ACTN3: variants seen among roughly 807,000 people sequenced by gnomAD.
ACTN3 encodes alpha-actinin-3.
ACTN3 carries 91 observed loss-of-function variants against 119.6 expected under a neutral mutation model. The ratio of observed to expected loss-of-function variants is 0.76; its 90% confidence interval spans 0.64 to 0.91. The LOEUF (loss-of-function observed/expected upper bound fraction) is 0.91, where lower values mean the gene tolerates loss of function less well. Among genes scored for constraint, ACTN3 ranks in the 40% least tolerant of loss-of-function variants. ACTN3 has a pLI of 0.00. For missense variants in ACTN3, 1,221 were observed against 1,215.1 expected, an observed-to-expected ratio of 1.00 and a Z score of -0.07; for synonymous variants, 456 against 478.8, an observed-to-expected ratio of 0.95 and a Z score of 0.62.
chr11:66,551,780 A>G, intron 3 of ACTN3, 133 bp downstream of exon 3: 1 of 1,392,492 alleles, frequency 7.2e-7, no homozygotes, highest in Non-Finnish European at 9.7e-7. Context: ...GAGCCTGTAA[A>G]GAGCCAGTAT....
intron 8 of ACTN3, among the ~76,000 whole-genome samples, chr11:66,556,918 G>A (rs1364435201): frequency 2.0e-5 from 3 of 152,024 alleles, no homozygotes; most frequent in Non-Finnish European, 4.4e-5. Flanking sequence ...CCACCACCAC[G>A]CCCGGCCAAT....
chr11:66,555,294 C>T lies in ACTN3; in HGVS notation c.645C>T (p.Pro215=), dbSNP rs542052569. 52 of 1,614,054 alleles carry T rather than the reference C, an allele frequency of 3.2e-5. No homozygotes were observed. In the South Asian group the frequency reaches 5.5e-4, roughly 17 times the overall value. ...IDYAKLRKDD[P]IGNLNTAFEV... ...CCCTTACACCCTTCTAGGATGACCC[C>T]ATCGGAAACCTGAACACTGCCTTTG... The change falls in exon 7 of 21, where the codon CCC becomes CCT. Residue 215 remains proline, a synonymous_variant. Transcript: ENST00000513398.
In ACTN3 at chr11:66,562,111, G is replaced by C; in HGVS notation, c.2265G>C (p.Lys755Asn). ...ACCAGGTACTGACCCGAGACGCCAA[G>C]GGACTGAGCCAGGAGCAGCTCAACG... The part of the protein sequence containing the change: ...VENQVLTRDA[K>N]GLSQEQLNEF... Residue 755 changes from lysine (K) to asparagine (N), a missense_variant, in exon 18 of 21, where the codon AAG (lysine) becomes AAC (asparagine). Lys to Asn is a moderately conservative substitution (Grantham distance 94). Around this residue, in one of 3 missense-constraint regions of ACTN3, gnomAD observed 934 missense variants for 899.9 expected, o/e 1.04. Coordinates refer to ENST00000513398, the MANE Select transcript of ACTN3 (RefSeq NM_001104.4). The C allele has an allele frequency of 6.2e-7, 1 of 1,614,074 alleles. No homozygotes were observed. Among genetic ancestry groups the C allele is most frequent in the Non-Finnish European group, 8.5e-7 (1 of 1,179,986 alleles).
chr11:66,556,183 A>G lies in ACTN3; in HGVS notation c.757A>G (p.Met253Val), dbSNP rs758373311. 21 of 1,613,930 alleles carry G rather than the reference A, an allele frequency of 1.3e-5. No individual in the cohort carries two copies. The South Asian group carries it at 2.3e-4, about 18-fold the overall frequency. ...NTPKPDEKAI[M>V]TYVSCFYHAF... is the part of the protein sequence containing the mutation. Reference sequence around the variant, plus strand: ...CCCAAAGCCGGATGAGAAGGCCATCATGACCTATGTGTCCTGCTTCTACCA... The same window carrying G: ...CCCAAAGCCGGATGAGAAGGCCATCGTGACCTATGTGTCCTGCTTCTACCA... Residue 253 changes from methionine to valine, a missense_variant, in exon 8 of 21, where the codon ATG becomes GTG. Physicochemically the swap from Met to Val is conservative, Grantham distance 21. This residue lies in a region of ACTN3 where 934 missense variants were observed against 899.9 expected (regional missense o/e 1.04). Transcript: ENST00000513398.
At chr11:66,554,714 T>A in intron 5 of ACTN3, 91 bp downstream of exon 5, 22 of 1,074,208 alleles carry the variant, frequency 2.0e-5, no homozygotes, top group Non-Finnish European at 2.7e-5. Context: ...GGCACTGAGC[T>A]GGTCTCTGTC....
At position 66,561,517 on chromosome 11, in the gene ACTN3, A is replaced by G; in HGVS notation, c.2055A>G (p.Leu685=). 1 of 1,607,346 alleles carries G rather than the reference A, an allele frequency of 6.2e-7. No homozygotes were observed. Among genetic ancestry groups the G allele is most frequent in the Non-Finnish European group, 8.5e-7 (1 of 1,176,980 alleles). ...CTCTGGAGGAGCAGATGGCTGGGCT[A>G]CGGCAGCAGGAGCAGAACATTATCA... ...AGSLEEQMAG[L]RQQEQNIINY... is the part of the protein sequence containing the mutation. The change falls in exon 17 of 21, where the codon CTA becomes CTG. Residue 685 remains leucine (L), a synonymous_variant. Transcript: ENST00000513398.
At position 66,546,913 on chromosome 11, in the gene ACTN3, G is replaced by C. The variant is rs1336820376; in HGVS notation, c.-25G>C. The C allele has an allele frequency of 1.3e-6, 2 of 1,531,768 alleles. No homozygotes were observed. Among genetic ancestry groups the C allele is most frequent in the African/African-American group, 1.4e-5 (1 of 72,430 alleles). The allele number at this position is 1,531,768 out of a possible 1,614,324, so 94.9% of individuals were successfully genotyped here. On this transcript the variant is annotated 5_prime_UTR_variant, in exon 1 of 21. Transcript: ENST00000513398. ...CGGGTGTCCGAGAGCGTGCCGAGCG[G>C]AGCGAAGCCAGGAGCCCGATCGAGA...
chr11:66,562,458 T>C (rs1268194347), intron 19 of ACTN3, 136 bp downstream of exon 19: 1 of 1,097,878 alleles, frequency 9.1e-7, no homozygotes, highest in Non-Finnish European at 1.3e-6. Flanking sequence ...CTAGCAAGGC[T>C]CAGGGAGGTA....
At chr11:66,553,927 C>T (rs1857531316) in intron 3 of ACTN3, 118 bp from the exon 4 acceptor site, 1 of 674,792 alleles carries the variant, frequency 1.5e-6, no homozygotes, top group Non-Finnish European at 2.5e-6. Flanking sequence ...CTACTAGGTG[C>T]CAGCCCTGAA....
In ACTN3 at chr11:66,559,388, T is replaced by C. The variant is rs759213755; in HGVS notation, c.1427+2T>C. 5.0e-5 allele frequency: 76 copies of C among 1,518,320 alleles called. No homozygotes were observed. The highest frequency in any genetic ancestry group is 6.4e-5 in the Non-Finnish European group (73 of 1,140,806). 94.1% of individuals were successfully genotyped at this position (1,518,320 alleles called of 1,614,324 possible). On this transcript the variant is annotated splice_donor_variant, in intron 12 of 20. Transcript: ENST00000513398. LOFTEE classifies it high-confidence loss of function. ...TGCCGCGCTGGCCCAGGAGCTCAAG[T>C]AGGCGGGGCCTCGCGGGGCCCGCCC...
In ACTN3 at chr11:66,560,230, C is replaced by G. The variant is rs747791970; in HGVS notation, c.1596C>G (p.Ala532=). Residue 532 remains alanine (A), a synonymous_variant, in exon 14 of 21, where the codon GCC becomes GCG. Transcript: ENST00000513398. ...DRLQLEFARR[A]APFNNWLDGA... is the part of the protein sequence containing the mutation. ...TGCAACTGGAGTTTGCCCGGCGGGC[C>G]GCGCCCTTCAACAACTGGCTGGATG... 4 of 1,612,320 alleles carry G rather than the reference C, an allele frequency of 2.5e-6. No individual in the cohort carries two copies. Among genetic ancestry groups the G allele is most frequent in the South Asian group, 1.1e-5 (1 of 90,628 alleles).
At chr11:66,558,862 T>G in intron 11 of ACTN3, 3 of 200,040 alleles carry the variant, frequency 1.5e-5, no homozygotes, top group East Asian at 2.3e-4. Flanking sequence ...ACGAGTCAAA[T>G]ATATTACTCT....
intron 1 of ACTN3, among the ~76,000 whole-genome samples, chr11:66,549,732 CAAAAA>C (rs61393902): frequency 4.6e-5 from 2 of 43,026 alleles, no homozygotes; most frequent in Admixed American, 6.6e-4. Flanking sequence ...ACTCTGTCTC[CAAAAA>C]AAAAAAAAAA....
chr11:66,548,730 A>C (rs528393551), intron 1 of ACTN3, among the ~76,000 whole-genome samples: 50 of 152,218 alleles, frequency 3.3e-4, no homozygotes, highest in Admixed American at 9.2e-4. Context: ...TTGGAGCAGC[A>C]CGCTGCCTCC....
At chr11:66,561,919 G>T in intron 17 of ACTN3, 103 bp from the exon 18 acceptor site, 7 of 1,405,958 alleles carry the variant, frequency 5.0e-6, no homozygotes, top group Non-Finnish European at 6.8e-6. Flanking sequence ...GCCCAGTGAG[G>T]GGGAGGACTT....
intron 7 of ACTN3, 72 bp downstream of exon 7, chr11:66,555,439 G>A (rs894889052): frequency 2.7e-6 from 4 of 1,504,492 alleles, no homozygotes; most frequent in Non-Finnish European, 3.7e-6. Flanking sequence ...CCACACCTTT[G>A]CACGGCCCTT....
Position 66,561,238 on chromosome 11 carries a change from G to T in ACTN3, c.1872G>T (p.Leu624=). The change falls in exon 16 of 21, where the codon CTG becomes CTT. Residue 624 remains leucine, a synonymous_variant. Transcript: ENST00000513398. The part of the protein sequence containing the change: ...INTKWDMVRK[L]VPSCDQTLQE... ...TGCCCTCCTCCCAGGTCCGAAAGCT[G>T]GTGCCCAGCTGTGACCAGACACTGC... The T allele has an allele frequency of 6.3e-7, 1 of 1,575,882 alleles. No homozygotes were observed. The highest frequency in any genetic ancestry group is 8.6e-7 in the Non-Finnish European group (1 of 1,163,458).
At chr11:66,557,561 A>T in intron 9 of ACTN3, 138 bp from the exon 10 acceptor site, 1 of 868,024 alleles carries the variant, frequency 1.2e-6, no homozygotes, top group Non-Finnish European at 1.8e-6. Context: ...TGTGGGGACT[A>T]CCCCATCCTG....
chr11:66,551,765 C>A, intron 3 of ACTN3, 118 bp downstream of exon 3: 1 of 1,441,108 alleles, frequency 6.9e-7, no homozygotes, highest in Middle Eastern at 2.5e-4. Flanking sequence ...CCCTGCCTCG[C>A]AAGAGAGCCT....
Sources: allele counts gnomAD v4.1 joint callset (sites outside exome capture counted in the v4.1 genomes callset), GRCh38; gene constraint gnomAD v4.1.1; regional missense constraint gnomAD v4.1.1; transcripts MANE v1.5; gene names NCBI Gene and HGNC (gene_info 2026-07-23, HGNC 2026-07-21).